CSMD1: variants seen among roughly 807,000 people sequenced by gnomAD.
CSMD1 encodes the protein CUB and Sushi multiple domains 1, also known as CUB and sushi domain-containing protein 1.
In CSMD1, 213 loss-of-function variants were observed where a neutral mutation model predicts 417.5. The observed-to-expected ratio is 0.51, with a 90% confidence interval of 0.46 to 0.57. The LOEUF (loss-of-function observed/expected upper bound fraction) is 0.57. Among genes scored for constraint, CSMD1 ranks in the 20% least tolerant of loss-of-function variants. The probability of loss-of-function intolerance (pLI) is 0.00; values close to 1 mark genes in which losing one functional copy is unlikely to be tolerated. For missense variants in CSMD1, 6,923 were observed against 4,529.7 expected (o/e 1.53, Z -15.17); for synonymous variants, 2,862 against 1,736.8 (o/e 1.65, Z -16.11).
intron 11 of CSMD1, among the ~76,000 whole-genome samples, chr8:3,492,397 C>A (rs988779686): frequency 4.6e-5 from 7 of 152,148 alleles, no homozygotes; most frequent in African/African-American, 1.7e-4. Context: ...CACAAAGAGG[C>A]ATCCTCAGTA....
intron 1 of CSMD1, chr8:4,787,617 G>A (rs1585097890): frequency 6.4e-7 from 1 of 1,563,988 alleles, no homozygotes; most frequent in Admixed American, 1.7e-5. Context: ...GTTTGCAGAA[G>A]AATAGCAACT....
At chr8:4,524,747 T>G (rs903112968) in intron 2 of CSMD1, among the ~76,000 whole-genome samples, 4 of 152,166 alleles carry the variant, frequency 2.6e-5, no homozygotes, top group Non-Finnish European at 5.9e-5. Context: ...TCAAACAAAT[T>G]ATCATACATG....
intron 23 of CSMD1, among the ~76,000 whole-genome samples, chr8:3,321,071 A>G (rs117615960): frequency 0.073 from 11,107 of 151,926 alleles, 603 homozygotes; most frequent in Non-Finnish European, 0.11. Context: ...AATCTCTTCC[A>G]CCTTTGCCTC....
intron 1 of CSMD1, among the ~76,000 whole-genome samples, chr8:4,854,533 T>C (rs1013462530): frequency 1.3e-5 from 2 of 152,026 alleles, no homozygotes; most frequent in Admixed American, 1.3e-4. Context: ...TGCCAGACAG[T>C]GGGTGCAGGT....
chr8:4,933,295 A>G (rs559541815), intron 1 of CSMD1, among the ~76,000 whole-genome samples: 1 of 152,212 alleles, frequency 6.6e-6, no homozygotes, highest in African/African-American at 2.4e-5. Context: ...TCAGAGGAGC[A>G]CAACCTGTCC....
chr8:3,595,553 C>T (rs1801051074), intron 8 of CSMD1, among the ~76,000 whole-genome samples: 1 of 152,094 alleles, frequency 6.6e-6, no homozygotes, highest in South Asian at 2.1e-4. Flanking sequence ...TGTGTGTTAG[C>T]AATAGCCCAA....
intron 5 of CSMD1, among the ~76,000 whole-genome samples, chr8:3,905,254 T>C (rs1397937222): frequency 6.6e-6 from 1 of 152,242 alleles, no homozygotes; most frequent in African/African-American, 2.4e-5. Context: ...ATTTAGATTA[T>C]ATTCTTTCAT....
intron 10 of CSMD1, among the ~76,000 whole-genome samples, chr8:3,498,784 C>A (rs942649011): frequency 2.0e-5 from 3 of 151,998 alleles, no homozygotes; most frequent in Non-Finnish European, 4.4e-5. Context: ...GTTGTTGAAG[C>A]TCTTGATTTT....
chr8:3,925,449 A>G (rs1809585409), intron 5 of CSMD1, among the ~76,000 whole-genome samples: 1 of 152,220 alleles, frequency 6.6e-6, no homozygotes, highest in African/African-American at 2.4e-5. Context: ...TTAAACCTGA[A>G]ATACAGTTCA....
intron 55 of CSMD1, among the ~76,000 whole-genome samples, chr8:2,975,509 A>C (rs1804837894): frequency 6.6e-6 from 1 of 152,192 alleles, no homozygotes; most frequent in South Asian, 2.1e-4. Context: ...GGTAGATTTG[A>C]ACGCCTGGAA....
Position 3,387,394 on chromosome 8 carries a change from A to T in CSMD1, c.2782+100T>A, listed in dbSNP as rs980445205. On this transcript the variant is annotated intron_variant, in intron 18 of 69. Coordinates refer to ENST00000635120, the MANE Select transcript of CSMD1 (RefSeq NM_033225.6). The stretch of plus-strand genomic sequence containing the variant: ...TCAGAGGGAACTCACGCCAGTCGTA[A>T]GGTACCACCCCCTGAAATACACACA... 7.3e-6 allele frequency: 7 copies of T among 956,002 alleles called. No homozygotes were observed. In the Admixed American group the frequency reaches 1.9e-4, roughly 27 times the overall value. 59.2% of individuals were successfully genotyped at this position (956,002 alleles called of 1,614,324 possible).
At chr8:4,458,262 C>T (rs1340342702) in intron 2 of CSMD1, among the ~76,000 whole-genome samples, 8 of 151,996 alleles carry the variant, frequency 5.3e-5, no homozygotes, top group African/African-American at 1.2e-4. Context: ...AGAGTAACCA[C>T]AAAAAATGAC....
chr8:3,336,720 A>G (rs1369206735), intron 23 of CSMD1, among the ~76,000 whole-genome samples: 2 of 152,106 alleles, frequency 1.3e-5, no homozygotes, highest in Admixed American at 1.3e-4. Flanking sequence ...AGCCCTGCAC[A>G]CCTAACTTCC....
rs200305244 is a variant in CSMD1 at position 3,574,935 on chromosome 8, G to A, written c.1344+10C>T. On this transcript the variant is annotated intron_variant, in intron 10 of 69. Transcript: ENST00000635120. ...TGCATTAACCACAGGGGTTGGAGGCGGAGCCTTACCTTGTCCGGGTCGGTG... is the reference window on the plus strand; with the variant it reads ...TGCATTAACCACAGGGGTTGGAGGCAGAGCCTTACCTTGTCCGGGTCGGTG... The A allele has an allele frequency of 1.6e-5, 25 of 1,611,180 alleles. No homozygotes were observed. Among genetic ancestry groups the A allele is most frequent in the South Asian group, 2.2e-5 (2 of 90,858 alleles).
chr8:4,953,071 A>G (rs1585397868), intron 1 of CSMD1, among the ~76,000 whole-genome samples: 1 of 148,670 alleles, frequency 6.7e-6, no homozygotes, highest in Non-Finnish European at 1.5e-5. Flanking sequence ...AGACAAAAAA[A>G]CATTATAGTC....
chr8:3,846,238 C>T (rs528453980), intron 5 of CSMD1, among the ~76,000 whole-genome samples: 13 of 152,222 alleles, frequency 8.5e-5, no homozygotes, highest in East Asian at 5.8e-4. Context: ...ATCACAGATA[C>T]GTCCACAATG....
At chr8:3,841,435 A>G (rs2129094372) in intron 5 of CSMD1, among the ~76,000 whole-genome samples, 1 of 152,250 alleles carries the variant, frequency 6.6e-6, no homozygotes, top group Admixed American at 6.5e-5. Context: ...CAACAAAACA[A>G]TCTTTGACAT....
At chr8:4,210,456 T>A (rs751399758) in intron 3 of CSMD1, among the ~76,000 whole-genome samples, 9 of 152,212 alleles carry the variant, frequency 5.9e-5, no homozygotes, top group Non-Finnish European at 1.3e-4. Flanking sequence ...AAGATCAAGT[T>A]TCTAACTTTG....
At chr8:4,841,911 C>CAAAAAAA (rs397757527) in intron 1 of CSMD1, among the ~76,000 whole-genome samples, 2 of 34,850 alleles carry the variant, frequency 5.7e-5, no homozygotes, top group Admixed American at 5.2e-4. Flanking sequence ...AACTCCGTCT[C>CAAAAAAA]AAAAAAAAAA....
Sources: allele counts gnomAD v4.1 joint callset (sites outside exome capture counted in the v4.1 genomes callset), GRCh38; gene constraint gnomAD v4.1.1; transcripts MANE v1.5; gene names NCBI Gene and HGNC (gene_info 2026-07-23, HGNC 2026-07-21).